NIBAN1: variants seen among roughly 807,000 people sequenced by gnomAD.
NIBAN1 encodes the protein niban apoptosis regulator 1, also known as protein Niban 1.
In NIBAN1, 81 loss-of-function variants were observed where a neutral mutation model predicts 75.1. The observed-to-expected ratio is 1.08, with a 90% CI of 0.90 to 1.30. NIBAN1 has a LOEUF of 1.30. NIBAN1 is among the 50% of genes most tolerant of loss of function. The probability of loss-of-function intolerance (pLI) is 0.00; values close to 1 mark genes in which losing one functional copy is unlikely to be tolerated. For synonymous variants in NIBAN1, 436 were observed against 424.8 expected (o/e 1.03, Z -0.32); for missense variants, 1,133 against 1,128.1 (o/e 1.00, Z -0.06).
In NIBAN1 at chr1:184,794,817, C is replaced by T. The variant is rs140082685; in HGVS notation, c.*160G>A. 2 of 878,970 alleles carry T rather than the reference C, an allele frequency of 2.3e-6. No homozygotes were observed. The highest frequency in any genetic ancestry group is 1.7e-5 in the African/African-American group (1 of 59,922). 54.4% of individuals were successfully genotyped at this position (878,970 alleles called of 1,614,324 possible). A position where few individuals can be genotyped will look rare whatever the true frequency, so the allele number is the denominator to read the frequency against. On this transcript the variant is annotated 3_prime_UTR_variant, in exon 14 of 14. Coordinates refer to ENST00000367511, the MANE Select transcript of NIBAN1 (RefSeq NM_052966.4). Reference sequence around the variant, plus strand: ...AACAATTCATGTCCACAAAGGTTTGCCTCAGTTGCTCATGCCCTGTATGCA... The same window carrying T: ...AACAATTCATGTCCACAAAGGTTTGTCTCAGTTGCTCATGCCCTGTATGCA...
chr1:184,831,381 C>T (rs755178839), intron 6 of NIBAN1, among the ~76,000 whole-genome samples: 5 of 152,102 alleles, frequency 3.3e-5, no homozygotes, highest in South Asian at 2.1e-4. Flanking sequence ...TCACTTGTCA[C>T]GATGATGCAA....
At chr1:184,867,088 C>G (rs1655975760) in intron 5 of NIBAN1, among the ~76,000 whole-genome samples, 1 of 152,004 alleles carries the variant, frequency 6.6e-6, no homozygotes, top group Non-Finnish European at 1.5e-5. Context: ...AATGCGGTGA[C>G]ATCAGCAAGG....
chr1:184,825,966 A>C (rs779636726), intron 6 of NIBAN1, among the ~76,000 whole-genome samples: 22 of 152,242 alleles, frequency 1.4e-4, no homozygotes, highest in Non-Finnish European at 1.9e-4. Flanking sequence ...GGAATTAAGG[A>C]AGATTTGCTC....
chr1:184,907,492 CTATTGTT>C (rs751557717), intron 1 of NIBAN1, among the ~76,000 whole-genome samples: 2 of 152,152 alleles, frequency 1.3e-5, no homozygotes, highest in African/African-American at 2.4e-5. Flanking sequence ...ACAATATCCA[CTATTGTT>C]TATTTTCACC....
At chr1:184,834,275 G>T (rs538691457) in intron 5 of NIBAN1, among the ~76,000 whole-genome samples, 2 of 152,222 alleles carry the variant, frequency 1.3e-5, no homozygotes, top group African/African-American at 4.8e-5. Context: ...ACATTTGGGT[G>T]GGTTCCAAGT....
intron 1 of NIBAN1, among the ~76,000 whole-genome samples, chr1:184,961,057 CTTTT>C (rs1168955438): frequency 3.5e-5 from 2 of 57,810 alleles, no homozygotes; most frequent in African/African-American, 1.9e-4. Flanking sequence ...ATATGCCGTT[CTTTT>C]TTTTTTTTTT....
chr1:184,816,893 A>T lies in NIBAN1; in HGVS notation c.1173+1745T>A, dbSNP rs548571080. On this transcript the variant is annotated intron_variant, in intron 9 of 13. Transcript: ENST00000367511. ...TTATTATTATTATTTTATTTTTATT[A>T]TACTTTAAGTTCTAGGGTAAATGTG... is the stretch of plus-strand genomic sequence containing the variant. Among the ~76,000 whole-genome samples, 17 of 151,838 alleles carry T rather than the reference A, an allele frequency of 1.1e-4. No homozygotes were observed. In the East Asian group the frequency reaches 3.3e-3, roughly 29 times the overall value.
At chr1:184,918,090 G>A (rs756550353) in intron 1 of NIBAN1, among the ~76,000 whole-genome samples, 1 of 152,008 alleles carries the variant, frequency 6.6e-6, no homozygotes, top group Non-Finnish European at 1.5e-5. Flanking sequence ...TGAAAGTCCT[G>A]ACAGGCACTT....
intron 5 of NIBAN1, among the ~76,000 whole-genome samples, chr1:184,840,430 T>C (rs937625075): frequency 6.6e-6 from 1 of 152,134 alleles, no homozygotes; most frequent in African/African-American, 2.4e-5. Flanking sequence ...ACAGTGGTGT[T>C]GGTCTAGTTG....
chr1:184,800,506 ATTT>A (rs916002266), intron 12 of NIBAN1, among the ~76,000 whole-genome samples: 78 of 144,250 alleles, frequency 5.4e-4, no homozygotes, highest in African/African-American at 1.4e-3. Context: ...TAGGTCTAAC[ATTT>A]AAGTCTTTAA....
chr1:184,879,894 G>T (rs1452332855), intron 5 of NIBAN1, among the ~76,000 whole-genome samples: 1 of 152,196 alleles, frequency 6.6e-6, no homozygotes, highest in Non-Finnish European at 1.5e-5. Flanking sequence ...AGTCCAACTT[G>T]AAGCACTGAT....
At chr1:184,956,590 A>G (rs1385566560) in intron 1 of NIBAN1, among the ~76,000 whole-genome samples, 2 of 152,128 alleles carry the variant, frequency 1.3e-5, no homozygotes, top group East Asian at 1.9e-4. Flanking sequence ...TAGTTATTAA[A>G]CCCTCCATGA....
intron 1 of NIBAN1, among the ~76,000 whole-genome samples, chr1:184,934,926 C>T (rs1024847896): frequency 6.6e-6 from 1 of 151,916 alleles, no homozygotes; most frequent in Admixed American, 6.6e-5. Flanking sequence ...AAAAATTAGC[C>T]GGGCATGGTG....
At chr1:184,894,021 A>G in intron 3 of NIBAN1, 54 bp downstream of exon 3, 1 of 1,521,060 alleles carries the variant, frequency 6.6e-7, no homozygotes. Context: ...CAATCAACCG[A>G]GCCAAACTTT....
chr1:184,815,718 C>T (rs942554269), intron 9 of NIBAN1, among the ~76,000 whole-genome samples: 1 of 152,142 alleles, frequency 6.6e-6, no homozygotes, highest in Admixed American at 6.5e-5. Flanking sequence ...AATGAAGGCC[C>T]AGTGTAGGTG....
In NIBAN1 at chr1:184,893,969, C is replaced by T. The variant is rs537496411; in HGVS notation, c.318+106G>A. ...TCTCTATTTTTGTACCAGTACCATGCTGATTTTGTTAGTATAGCCTTGTAG... is the reference window on the plus strand; with the variant it reads ...TCTCTATTTTTGTACCAGTACCATGTTGATTTTGTTAGTATAGCCTTGTAG... On this transcript the variant is annotated intron_variant, in intron 3 of 13. Transcript: ENST00000367511. 6.0e-5 allele frequency: 71 copies of T among 1,177,852 alleles called. No homozygotes were observed. In the South Asian group the frequency reaches 1.1e-3, roughly 18 times the overall value. The allele number at this position is 1,177,852 out of a possible 1,614,324, so 73.0% of individuals were successfully genotyped here.
At position 184,879,516 on chromosome 1, in the gene NIBAN1, G is replaced by A. The variant is rs979979307; in HGVS notation, c.601+5117C>T. ...GTCTCTCAAGTAATGAACTTGCTTCGTAGGTGACCAGGAAGCAATAAGCTG... is the reference window on the plus strand; with the variant it reads ...GTCTCTCAAGTAATGAACTTGCTTCATAGGTGACCAGGAAGCAATAAGCTG... On this transcript the variant is annotated intron_variant, in intron 5 of 13. Coordinates refer to ENST00000367511, the MANE Select transcript of NIBAN1 (RefSeq NM_052966.4). Among the ~76,000 whole-genome samples, 7 of 151,922 alleles carry A rather than the reference G, an allele frequency of 4.6e-5. No homozygotes were observed. The South Asian group carries it at 6.2e-4, about 14-fold the overall frequency.
intron 6 of NIBAN1, among the ~76,000 whole-genome samples, chr1:184,827,278 G>A (rs1299249709): frequency 6.6e-6 from 1 of 151,982 alleles, no homozygotes; most frequent in Non-Finnish European, 1.5e-5. Context: ...AGAGCCTGTG[G>A]GTGCTGAAGC....
intron 5 of NIBAN1, among the ~76,000 whole-genome samples, chr1:184,867,195 A>AAC (rs149204316): frequency 3.0e-4 from 45 of 148,104 alleles, no homozygotes; most frequent in Middle Eastern, 3.5e-3. Context: ...CCTACACACA[A>AAC]ACACACACAC....
Sources: allele counts gnomAD v4.1 joint callset (sites outside exome capture counted in the v4.1 genomes callset), GRCh38; gene constraint gnomAD v4.1.1; transcripts MANE v1.5; gene names NCBI Gene and HGNC (gene_info 2026-07-23, HGNC 2026-07-21).